WWOX: variants seen among roughly 807,000 people sequenced by gnomAD.
WWOX encodes the protein WW domain-containing oxidoreductase.
A neutral mutation model predicts 46.2 loss-of-function variants in WWOX; 69 were observed. The ratio of observed to expected loss-of-function variants is 1.49; its 90% CI spans 1.23 to 1.82. The LOEUF (loss-of-function observed/expected upper bound fraction) is 1.82, where lower values mean the gene tolerates loss of function less well. WWOX is among the 40% of genes most tolerant of loss of function. The pLI is 0.00. For synonymous variants in WWOX, 359 were observed against 202.6 expected (o/e 1.77, Z -6.56); for missense variants, 919 against 542.6 (o/e 1.69, Z -6.89).
intron 8 of WWOX, among the ~76,000 whole-genome samples, chr16:78,932,078 C>G (rs1240531308): frequency 4.6e-5 from 7 of 152,214 alleles, no homozygotes; most frequent in African/African-American, 7.2e-5. Context: ...CGTTAAACCT[C>G]TTTCCTTTAT....
intron 8 of WWOX, among the ~76,000 whole-genome samples, chr16:79,070,420 G>C (rs368265895): frequency 6.6e-6 from 1 of 152,140 alleles, no homozygotes; most frequent in African/African-American, 2.4e-5. Context: ...TGGAAATGAC[G>C]TATCAGTCCA....
intron 8 of WWOX, among the ~76,000 whole-genome samples, chr16:78,989,454 C>G (rs963689702): frequency 6.6e-5 from 10 of 152,210 alleles, no homozygotes; most frequent in African/African-American, 2.4e-4. Context: ...CCTGCCCATG[C>G]TGGCTTGCAG....
Position 78,547,750 on chromosome 16 carries a change from C to G in WWOX, c.1056+114998C>G, listed in dbSNP as rs188451035. Among the ~76,000 whole-genome samples, 4 of 152,266 alleles carry G rather than the reference C, an allele frequency of 2.6e-5. No individual in the cohort carries two copies. The East Asian group carries it at 5.8e-4, about 22-fold the overall frequency. On this transcript the variant is annotated intron_variant, in intron 8 of 8. Coordinates refer to ENST00000566780, the MANE Select transcript of WWOX (RefSeq NM_016373.4). ...ATATCGTGGGAGGGGCAAAGGGTCT[C>G]TCTATCTGGCCTCTTTTAAGCCCTT...
intron 8 of WWOX, among the ~76,000 whole-genome samples, chr16:78,579,784 A>C (rs931556286): frequency 6.6e-6 from 1 of 152,170 alleles, no homozygotes; most frequent in Admixed American, 6.5e-5. Flanking sequence ...TGAGGAGATA[A>C]TATCTTTAAA....
At chr16:78,751,623 G>A (rs1405338688) in intron 8 of WWOX, among the ~76,000 whole-genome samples, 1 of 151,614 alleles carries the variant, frequency 6.6e-6, no homozygotes, top group Non-Finnish European at 1.5e-5. Context: ...TTATATTTAT[G>A]TAGATACAAA....
rs533159086 is a variant in WWOX, at chr16:78,914,178, A to G, written c.1057-297430A>G. Among the ~76,000 whole-genome samples the G allele has an allele frequency of 2.2e-4, 33 of 152,012 alleles. No individual in the cohort carries two copies. In the South Asian group the frequency reaches 6.6e-3, roughly 31 times the overall value. The stretch of plus-strand genomic sequence containing the variant: ...CACAATTTCTCTATCCCATAACTCT[A>G]TTTTATTTCTCTGTCTAGCACTTAT... On this transcript the variant is annotated intron_variant, in intron 8 of 8. Transcript: ENST00000566780.
intron 8 of WWOX, among the ~76,000 whole-genome samples, chr16:78,564,562 T>A (rs1382737258): frequency 6.6e-6 from 1 of 152,198 alleles, no homozygotes; most frequent in East Asian, 1.9e-4. Context: ...AGGAGACCTT[T>A]CTCAGAGGTC....
intron 8 of WWOX, among the ~76,000 whole-genome samples, chr16:78,689,866 G>T (rs79624446): frequency 0.032 from 4,842 of 151,150 alleles, 251 homozygotes; most frequent in African/African-American, 0.11. Context: ...TGTTTTTTTT[G>T]TGTGTTTTTT....
chr16:78,654,665 ATG>A (rs993939303), intron 8 of WWOX, among the ~76,000 whole-genome samples: 2 of 150,460 alleles, frequency 1.3e-5, no homozygotes, highest in Middle Eastern at 3.4e-3. Context: ...CTCTGTGTGT[ATG>A]TGTGTGTGTG....
chr16:78,258,577 T>C (rs764428515), intron 5 of WWOX, among the ~76,000 whole-genome samples: 1 of 151,994 alleles, frequency 6.6e-6, no homozygotes, highest in Non-Finnish European at 1.5e-5. Flanking sequence ...ATGGAATTCC[T>C]AGGAACAGCC....
chr16:78,741,192 C>G (rs1042704714), intron 8 of WWOX, among the ~76,000 whole-genome samples: 5 of 152,170 alleles, frequency 3.3e-5, no homozygotes, highest in African/African-American at 1.2e-4. Flanking sequence ...CCCACAAAGC[C>G]TAGAATCTTT....
chr16:78,779,669 G>C (rs892081534), intron 8 of WWOX, among the ~76,000 whole-genome samples: 4 of 152,190 alleles, frequency 2.6e-5, no homozygotes, highest in Non-Finnish European at 5.9e-5. Flanking sequence ...TCACACTGCT[G>C]ATCAGTGATG....
At chr16:78,414,558 C>G (rs2082755864) in intron 6 of WWOX, among the ~76,000 whole-genome samples, 1 of 152,120 alleles carries the variant, frequency 6.6e-6, no homozygotes, top group Admixed American at 6.5e-5. Context: ...CAGAGTGAAA[C>G]TGTCTTAAAA....
chr16:79,044,377 G>A (rs1567510621), intron 8 of WWOX, among the ~76,000 whole-genome samples: 2 of 152,152 alleles, frequency 1.3e-5, no homozygotes, highest in Non-Finnish European at 2.9e-5. Flanking sequence ...ATTGGGTCAT[G>A]GGGGTGGATT....
At chr16:78,725,097 C>T (rs2048793413) in intron 8 of WWOX, among the ~76,000 whole-genome samples, 1 of 151,922 alleles carries the variant, frequency 6.6e-6, no homozygotes, top group African/African-American at 2.4e-5. Context: ...GGTGGTTCCC[C>T]CATACTGTTC....
chr16:79,029,400 C>A (rs2047709770), intron 8 of WWOX, among the ~76,000 whole-genome samples: 1 of 152,190 alleles, frequency 6.6e-6, no homozygotes, highest in African/African-American at 2.4e-5. Context: ...TCATGTCCAT[C>A]AGCACCATTG....
In WWOX at chr16:78,940,394, C is replaced by T. The variant is rs1223306078; in HGVS notation, c.1057-271214C>T. Among the ~76,000 whole-genome samples, 3 of 152,154 alleles carry T rather than the reference C, an allele frequency of 2.0e-5. No homozygotes were observed. The East Asian group carries it at 5.8e-4, about 29-fold the overall frequency. On this transcript the variant is annotated intron_variant, in intron 8 of 8. Transcript: ENST00000566780. ...TTAATGGGGTTACTTCCCATCTTAG[C>T]TCAGTGTTTCTCTACCAAAGCTGAC...
intron 8 of WWOX, among the ~76,000 whole-genome samples, chr16:78,931,836 C>A (rs77235218): frequency 6.6e-6 from 1 of 152,176 alleles, no homozygotes; most frequent in South Asian, 2.1e-4. Flanking sequence ...CCCATAATCC[C>A]CACGCCACAT....
At chr16:78,895,020 G>C (rs982484864) in intron 8 of WWOX, among the ~76,000 whole-genome samples, 1 of 152,152 alleles carries the variant, frequency 6.6e-6, no homozygotes, top group African/African-American at 2.4e-5. Flanking sequence ...GCCGGGCACC[G>C]GTTTACGAGA....
Sources: gnomAD v4.1 joint callset for allele counts (sites outside exome capture counted in the v4.1 genomes callset) on GRCh38, gnomAD v4.1.1 for gene constraint, MANE v1.5 for transcripts, NCBI Gene and HGNC (gene_info 2026-07-23, HGNC 2026-07-21) for gene names.